TJP1: variants seen among roughly 807,000 people sequenced by gnomAD.
TJP1 encodes the protein tight junction protein 1.
Under a neutral mutation model 194.2 loss-of-function variants are expected in TJP1, and 43 were observed. The ratio of observed to expected loss-of-function variants is 0.22; its 90% CI spans 0.17 to 0.29. The LOEUF is 0.29. TJP1 is among the 10% of genes least tolerant of loss of function. TJP1 has a pLI of 1.00. For missense variants in TJP1, 1,971 were observed against 2,185.7 expected, an observed-to-expected ratio of 0.90 and a Z score of 1.96; for synonymous variants, 801 against 779.0, an observed-to-expected ratio of 1.03 and a Z score of -0.47.
chr15:29,749,132 A>C (rs1689265357), intron 8 of TJP1, among the ~76,000 whole-genome samples: 1 of 151,812 alleles, frequency 6.6e-6, no homozygotes, highest in Non-Finnish European at 1.5e-5. Flanking sequence ...CCAGAAGGGT[A>C]AGACGAGTTT....
chr15:29,729,093 G>C (rs532671293), intron 15 of TJP1: 2 of 152,234 alleles, frequency 1.3e-5, no homozygotes, highest in South Asian at 2.1e-4. Flanking sequence ...CCTAAGTTTG[G>C]TTATGGGTAA....
intron 2 of TJP1, among the ~76,000 whole-genome samples, chr15:29,837,502 G>A (rs531326155): frequency 6.6e-6 from 1 of 152,264 alleles, no homozygotes; most frequent in East Asian, 1.9e-4. Flanking sequence ...AGGTTGTGGT[G>A]AGCCAAGATG....
rs182585694 is a variant in TJP1, at chr15:29,816,214, G to A, written c.27+5788C>T. Among the ~76,000 whole-genome samples the A allele has an allele frequency of 2.1e-3, 326 of 152,114 alleles. 4 individuals carry two copies. The highest frequency in any genetic ancestry group is 3.4e-3 in the Middle Eastern group (1 of 292). ...GGCTAATTTTTGTATTTTTAGTAGAGACGGGGTTTCGGCCGTGTTGGTTGT... is the reference window on the plus strand; with the variant it reads ...GGCTAATTTTTGTATTTTTAGTAGAAACGGGGTTTCGGCCGTGTTGGTTGT... On this transcript the variant is annotated intron_variant, in intron 1 of 27. Transcript: ENST00000614355.
chr15:29,739,288 C>T (rs2044238835), intron 10 of TJP1, among the ~76,000 whole-genome samples: 1 of 152,304 alleles, frequency 6.6e-6, no homozygotes, highest in South Asian at 2.1e-4. Context: ...ATATTAACTA[C>T]TTGCAGTAGC....
In TJP1 at chr15:29,708,672, A is replaced by G. The variant is rs199584481; in HGVS notation, c.4737T>C (p.Ser1579=). 4.1e-4 allele frequency: 657 copies of G among 1,614,218 alleles called. 1 individual carries two copies. Among genetic ancestry groups the G allele is most frequent in the Non-Finnish European group, 3.6e-4 (419 of 1,180,044 alleles). The change falls in exon 25 of 28, where the codon AGT becomes AGC. Residue 1579 remains serine (S), a synonymous_variant. Coordinates refer to ENST00000614355, the MANE Select transcript of TJP1 (RefSeq NM_001330239.4). ...TGTCAAACTCAGGAGGCTGTGCCAA[A>G]CTGTGCGATTTCACAAGAGTTTTTG... ...TSPKTLVKSH[S]LAQPPEFDSG...
intron 2 of TJP1, among the ~76,000 whole-genome samples, chr15:29,904,971 G>A (rs1026868072): frequency 6.6e-6 from 1 of 152,222 alleles, no homozygotes; most frequent in Non-Finnish European, 1.5e-5. Flanking sequence ...GAAGAGGCAA[G>A]GACAGATCCT....
chr15:29,762,520 T>A (rs2046071881), intron 5 of TJP1, 82 bp from the exon 6 acceptor site: 1 of 941,524 alleles, frequency 1.1e-6, no homozygotes, highest in Non-Finnish European at 1.6e-6. Context: ...CTAAACTAAT[T>A]AACTACTGCA....
chr15:29,775,529 T>C (rs1263513686), intron 2 of TJP1, among the ~76,000 whole-genome samples: 1 of 152,090 alleles, frequency 6.6e-6, no homozygotes, highest in East Asian at 1.9e-4. Context: ...GGCACAGAAA[T>C]GTGCTCCAAT....
chr15:29,725,972 G>A (rs2043214601), intron 18 of TJP1, among the ~76,000 whole-genome samples: 1 of 152,154 alleles, frequency 6.6e-6, no homozygotes, highest in African/African-American at 2.4e-5. Context: ...CTTAGAGCAA[G>A]TCCTGAATTG....
At chr15:29,722,004 A>G (rs1216056824) in intron 18 of TJP1, among the ~76,000 whole-genome samples, 1 of 152,250 alleles carries the variant, frequency 6.6e-6, no homozygotes, top group Non-Finnish European at 1.5e-5. Context: ...GCATGTGTTC[A>G]TATGTGTGCA....
intron 2 of TJP1, among the ~76,000 whole-genome samples, chr15:29,911,350 C>G (rs1385845370): frequency 6.6e-6 from 1 of 152,104 alleles, no homozygotes; most frequent in Admixed American, 6.6e-5. Flanking sequence ...GTAAATTCAG[C>G]AGAAGAAGGA....
chr15:29,703,416 C>T (rs542068534), intron 27 of TJP1, among the ~76,000 whole-genome samples: 6 of 151,552 alleles, frequency 4.0e-5, no homozygotes, highest in African/African-American at 9.7e-5. Flanking sequence ...CCAGCCTGGG[C>T]GACAGAGCGA....
intron 2 of TJP1, among the ~76,000 whole-genome samples, chr15:29,881,027 A>G (rs1360875016): frequency 1.3e-5 from 2 of 152,088 alleles, no homozygotes; most frequent in Non-Finnish European, 2.9e-5. Flanking sequence ...GTTTTCCATA[A>G]CTGTGGCATT....
chr15:29,763,617 A>C (rs944116302), intron 5 of TJP1, among the ~76,000 whole-genome samples: 2 of 151,738 alleles, frequency 1.3e-5, no homozygotes, highest in African/African-American at 4.8e-5. Flanking sequence ...AATACAAAAA[A>C]TTAGCTGGGC....
At chr15:29,732,397 C>A in intron 15 of TJP1, 36 bp downstream of exon 15, 1 of 1,573,588 alleles carries the variant, frequency 6.4e-7, no homozygotes, top group Non-Finnish European at 8.7e-7. Flanking sequence ...AGGTGTAACT[C>A]CCAACCTCAT....
intron 2 of TJP1, among the ~76,000 whole-genome samples, chr15:29,834,365 C>T (rs561832975): frequency 1.3e-5 from 2 of 152,006 alleles, no homozygotes; most frequent in Admixed American, 6.6e-5. Context: ...GGATTACAGG[C>T]GGGCACCACC....
intron 2 of TJP1, among the ~76,000 whole-genome samples, chr15:29,927,567 T>A (rs1399677595): frequency 1.3e-5 from 2 of 151,982 alleles, no homozygotes; most frequent in African/African-American, 4.8e-5. Context: ...TCAGATTAAC[T>A]CCCCCTCTGA....
Position 29,836,414 on chromosome 15 carries a change from A to G in TJP1, c.307-35712T>C, listed in dbSNP as rs193196822. Among the ~76,000 whole-genome samples the G allele has an allele frequency of 1.2e-3, 177 of 151,896 alleles. 1 individual carries two copies. The highest frequency in any genetic ancestry group is 4.0e-3 in the African/African-American group (165 of 41,416). Reference sequence around the variant, plus strand: ...CAGCCTCCCGAGTAGCTGGGACTACAGGCACCCGCCACCACGCCTGGCTAA... The same window carrying G: ...CAGCCTCCCGAGTAGCTGGGACTACGGGCACCCGCCACCACGCCTGGCTAA... On this transcript the variant is annotated intron_variant, in intron 2 of 28. Coordinates refer to the TJP1 transcript ENST00000356107.
chr15:29,791,744 G>T (rs964771748), intron 2 of TJP1, among the ~76,000 whole-genome samples: 1 of 151,966 alleles, frequency 6.6e-6, no homozygotes, highest in African/African-American at 2.4e-5. Flanking sequence ...TATCAACAAC[G>T]TATAAGAGTT....
Sources: allele counts gnomAD v4.1 joint callset (sites outside exome capture counted in the v4.1 genomes callset), GRCh38; gene constraint gnomAD v4.1.1; transcripts MANE v1.5; gene names NCBI Gene and HGNC (gene_info 2026-07-23, HGNC 2026-07-21).